The following ZNF254 variants were observed in gnomAD, a reference collection of about 807,000 sequenced individuals.
ZNF254 encodes zinc finger protein 254, also known as CTD-2017D11.1.
In ZNF254, 10 loss-of-function variants were observed where a neutral mutation model predicts 12.4. The observed-to-expected ratio is 0.80, with a 90% confidence interval of 0.50 to 1.36. ZNF254 has a LOEUF of 1.36. ZNF254 is among the 40% of genes most tolerant of loss of function. ZNF254 has a pLI of 0.00. For synonymous variants in ZNF254, 305 were observed against 253.4 expected, an observed-to-expected ratio of 1.20 and a Z score of -1.93; for missense variants, 996 against 763.9, an observed-to-expected ratio of 1.30 and a Z score of -3.58.
At chr19:24,042,440 C>T (rs1163240116) in intron 1 of ZNF254, among the ~76,000 whole-genome samples, 1 of 152,176 alleles carries the variant, frequency 6.6e-6, no homozygotes, top group Non-Finnish European at 1.5e-5. Flanking sequence ...TAACTCTTTG[C>T]AGTAAATCTT....
rs1970526055 is a variant in ZNF254 at position 24,049,154 on chromosome 19, T to A, written c.-94+2875T>A. ...TCTCCTTTTTTTTTAAGAAGAGACT[T>A]GGTCTTGCTATGTTTTTCAGGCTCT... On this transcript the variant is annotated intron_variant, in intron 2 of 4. Coordinates refer to the ZNF254 transcript ENST00000613065. The A allele has an allele frequency of 2.1e-5, 3 of 142,746 alleles. No homozygotes were observed. In the South Asian group the frequency reaches 6.8e-4, roughly 32 times the overall value. 8.8% of individuals were successfully genotyped at this position (142,746 alleles called of 1,614,324 possible). A position where few individuals can be genotyped will look rare whatever the true frequency, so the allele number is the denominator to read the frequency against.
In ZNF254 at chr19:24,091,076, G is replaced by C. The variant is rs574259957; in HGVS notation, c.30+3739G>C. 2.0e-5 allele frequency among the ~76,000 whole-genome samples: 3 copies of C among 151,058 alleles called. No individual in the cohort carries two copies. In the South Asian group the frequency reaches 6.3e-4, roughly 32 times the overall value. The stretch of plus-strand genomic sequence containing the variant: ...CAATTCTCCTGCCTCAGCCTCCTGC[G>C]TAGCTGGGATTTCAGGCACACACCA... On this transcript the variant is annotated intron_variant, in intron 1 of 3. Coordinates refer to ENST00000357002, the MANE Select transcript of ZNF254 (RefSeq NM_203282.4).
intron 2 of ZNF254, among the ~76,000 whole-genome samples, chr19:24,069,310 A>C (rs1044322445): frequency 1.4e-5 from 2 of 142,854 alleles, no homozygotes. Flanking sequence ...CCAGCCCAAG[A>C]TTGTGTTTCT....
intron 1 of ZNF254, among the ~76,000 whole-genome samples, 172 bp downstream of exon 1, chr19:24,087,509 C>T (rs1972101072): frequency 6.6e-6 from 1 of 152,184 alleles, no homozygotes. Flanking sequence ...GCCAGACCCC[C>T]AGGAGTCCTG....
chr19:24,075,545 T>C (rs1971628098), intron 2 of ZNF254, among the ~76,000 whole-genome samples: 1 of 151,992 alleles, frequency 6.6e-6, no homozygotes, highest in African/African-American at 2.4e-5. Context: ...ACGAATAGGG[T>C]GTGGGTCACA....
At chr19:24,075,577 G>A (rs1022876149) in intron 2 of ZNF254, among the ~76,000 whole-genome samples, 8 of 151,970 alleles carry the variant, frequency 5.3e-5, no homozygotes, top group South Asian at 2.1e-4. Context: ...CTTCAAAGGC[G>A]ATAAAATATC....
intron 2 of ZNF254, chr19:24,063,720 T>G (rs368991589): frequency 4.6e-5 from 7 of 151,996 alleles, no homozygotes; most frequent in African/African-American, 9.7e-5. Context: ...AATTTTTTTT[T>G]GGGTTCTGCT....
intron 2 of ZNF254, among the ~76,000 whole-genome samples, chr19:24,065,230 A>G (rs561242514): frequency 1.2e-3 from 185 of 152,290 alleles, no homozygotes; most frequent in Non-Finnish European, 2.1e-3. Context: ...TGGGCCCAGG[A>G]ACCAGGTGTT....
rs533983008 is a variant in ZNF254, at chr19:24,040,104, A to G, written c.-189-6080A>G. 5.3e-4 allele frequency among the ~76,000 whole-genome samples: 80 copies of G among 152,168 alleles called. 2 individuals are homozygous for G. The South Asian group carries it at 0.016, about 31-fold the overall frequency. On this transcript the variant is annotated intron_variant, in intron 1 of 4. Coordinates refer to the ZNF254 transcript ENST00000613065. ...CACAGAGAAGAGAAGCTGAGGGCCA[A>G]CTCCCTGCCCCAGCCCTATCCAGAC...
intron 1 of ZNF254, among the ~76,000 whole-genome samples, chr19:24,102,568 A>G (rs1227720063): frequency 6.6e-6 from 1 of 152,160 alleles, no homozygotes; most frequent in Non-Finnish European, 1.5e-5. Context: ...GCCTCACAGA[A>G]CTAACTAGAA....
intron 1 of ZNF254, among the ~76,000 whole-genome samples, chr19:24,100,887 G>A (rs1306744410): frequency 6.6e-6 from 1 of 150,876 alleles, no homozygotes; most frequent in East Asian, 1.9e-4. Context: ...GAGTGCAATG[G>A]CTTGATCTTG....
chr19:24,083,173 C>A (rs1971910998), upstream of ZNF254, among the ~76,000 whole-genome samples: 1 of 152,026 alleles, frequency 6.6e-6, no homozygotes, highest in Non-Finnish European at 1.5e-5. Flanking sequence ...CCAACAGTGA[C>A]CAAACTGATA....
intron 1 of ZNF254, among the ~76,000 whole-genome samples, chr19:24,093,003 G>A (rs149569152): frequency 1.3e-5 from 2 of 152,124 alleles, no homozygotes; most frequent in African/African-American, 2.4e-5. Context: ...GTTCTCACTG[G>A]CATGAGATTG....
intron 2 of ZNF254, among the ~76,000 whole-genome samples, chr19:24,056,863 G>C (rs1173594256): frequency 1.3e-5 from 2 of 152,156 alleles, no homozygotes; most frequent in Non-Finnish European, 2.9e-5. Flanking sequence ...TAATTCTTCT[G>C]CCTGGTGCCT....
At chr19:24,063,876 T>A (rs1488965909) in intron 2 of ZNF254, 1 of 151,920 alleles carries the variant, frequency 6.6e-6, no homozygotes, top group Non-Finnish European at 1.5e-5. Flanking sequence ...GCCTGAAGCC[T>A]GACCACAGGG....
At chr19:24,102,447 C>G (rs1973093206) in intron 1 of ZNF254, among the ~76,000 whole-genome samples, 1 of 151,540 alleles carries the variant, frequency 6.6e-6, no homozygotes, top group Non-Finnish European at 1.5e-5. Context: ...AAAATACTCC[C>G]CAGTGGTGTA....
intron 2 of ZNF254, chr19:24,080,191 C>T (rs1366652768): frequency 6.6e-6 from 1 of 152,170 alleles, no homozygotes; most frequent in African/African-American, 2.4e-5. Flanking sequence ...GGACCTCCCA[C>T]AAGTTGCAGG....
intron 3 of ZNF254, among the ~76,000 whole-genome samples, chr19:24,110,219 G>T (rs1349488760): frequency 2.0e-5 from 3 of 151,984 alleles, no homozygotes; most frequent in Admixed American, 2.0e-4. Flanking sequence ...AATTATTGTT[G>T]TAAAAACACT....
In ZNF254 at chr19:24,128,698, T is replaced by C. The variant is rs2146041994; in HGVS notation, c.*718T>C. 1 of 152,178 alleles carries C rather than the reference T, an allele frequency of 6.6e-6. No homozygotes were observed. Among genetic ancestry groups the C allele is most frequent in the Admixed American group, 6.5e-5 (1 of 15,272 alleles). The allele number at this position is 152,178 out of a possible 1,614,324, so 9.4% of individuals were successfully genotyped here. On this transcript the variant is annotated 3_prime_UTR_variant, in exon 4 of 4. Coordinates refer to ENST00000357002, the MANE Select transcript of ZNF254 (RefSeq NM_203282.4). ...TACATTAAATATGAAAGATATTCAA[T>C]CCAAAATTAAGTCTATGTAAATATC...
Sources: gnomAD v4.1 joint callset for allele counts (sites outside exome capture counted in the v4.1 genomes callset) on GRCh38, gnomAD v4.1.1 for gene constraint, MANE v1.5 for transcripts, NCBI Gene and HGNC (gene_info 2026-07-23, HGNC 2026-07-21) for gene names.